NXPH1: variants seen among roughly 807,000 people sequenced by gnomAD.
NXPH1 encodes the protein neurexophilin 1, also known as neurexophilin-1.
Under a neutral mutation model 23.7 loss-of-function variants are expected in NXPH1, and 5 were observed. That is an observed-to-expected ratio of 0.21 (90% confidence interval 0.11 to 0.44). The LOEUF (loss-of-function observed/expected upper bound fraction) is 0.44. Ranked by LOEUF, NXPH1 falls within the 20% of genes least tolerant of loss-of-function variation. NXPH1 has a pLI of 0.99. For missense variants in NXPH1, 324 were observed against 321.6 expected (o/e 1.01, Z -0.06); for synonymous variants, 144 against 122.2 (o/e 1.18, Z -1.18).
chr7:8,722,878 C>G (rs1037517544), intron 2 of NXPH1, among the ~76,000 whole-genome samples: 3 of 152,146 alleles, frequency 2.0e-5, no homozygotes, highest in African/African-American at 7.2e-5. Context: ...TTCAATGGCC[C>G]CTTCCAGCCT....
intron 2 of NXPH1, among the ~76,000 whole-genome samples, chr7:8,576,667 C>G (rs537733860): frequency 1.3e-4 from 20 of 151,620 alleles, no homozygotes; most frequent in Non-Finnish European, 2.5e-4. Flanking sequence ...CTTTGTGGAA[C>G]AGACAGTAGA....
intron 2 of NXPH1, among the ~76,000 whole-genome samples, chr7:8,591,525 T>C (rs1819093422): frequency 6.6e-6 from 1 of 152,050 alleles, no homozygotes; most frequent in Admixed American, 6.6e-5. Flanking sequence ...AAGATTCTTA[T>C]CTCCTCCAAG....
intron 2 of NXPH1, among the ~76,000 whole-genome samples, chr7:8,666,398 T>C (rs564459729): frequency 7.2e-5 from 11 of 152,170 alleles, no homozygotes; most frequent in African/African-American, 2.4e-4. Flanking sequence ...TTGATCATAA[T>C]AAGAAATCCT....
At chr7:8,664,003 C>A (rs909794352) in intron 2 of NXPH1, among the ~76,000 whole-genome samples, 2 of 152,024 alleles carry the variant, frequency 1.3e-5, no homozygotes, top group African/African-American at 4.8e-5. Flanking sequence ...TCATTTTCTT[C>A]TCTTTGTCTC....
Position 8,435,780 on chromosome 7 carries a change from AG to A in NXPH1, c.54+15del. 6.2e-7 allele frequency: 1 copy of A among 1,613,634 alleles called. No homozygotes were observed. Among genetic ancestry groups the A allele is most frequent in the Non-Finnish European group, 8.5e-7 (1 of 1,179,718 alleles). On this transcript the variant is annotated intron_variant, in intron 2 of 2. Transcript: ENST00000405863. This position sits in a 1 kb window ranked among gnomAD's most constrained non-coding sequence, Gnocchi z 5.9. Reference sequence around the variant, plus strand: ...CACCGTCTACTTGGTAAGTCTTGGAAGGTTCGGGGCTTTCGCATTTTTACCC... The same window carrying A: ...CACCGTCTACTTGGTAAGTCTTGGAAGTTCGGGGCTTTCGCATTTTTACCC...
At chr7:8,541,553 G>C (rs1818117091) in intron 2 of NXPH1, among the ~76,000 whole-genome samples, 1 of 151,518 alleles carries the variant, frequency 6.6e-6, no homozygotes, top group South Asian at 2.1e-4. Context: ...CAAAACCAGT[G>C]ATAAATATAA....
At chr7:8,652,654 G>C (rs1361167396) in intron 2 of NXPH1, among the ~76,000 whole-genome samples, 1 of 152,108 alleles carries the variant, frequency 6.6e-6, no homozygotes, top group African/African-American at 2.4e-5. Context: ...CTGCTCATAT[G>C]GAGCTTATTT....
At chr7:8,540,965 T>G (rs544092041) in intron 2 of NXPH1, among the ~76,000 whole-genome samples, 1 of 151,712 alleles carries the variant, frequency 6.6e-6, no homozygotes, top group Non-Finnish European at 1.5e-5. Context: ...GAACAAAGCT[T>G]AAGTATATTT....
At chr7:8,677,518 G>C (rs1349428386) in intron 2 of NXPH1, among the ~76,000 whole-genome samples, 1 of 152,150 alleles carries the variant, frequency 6.6e-6, no homozygotes, top group Non-Finnish European at 1.5e-5. Context: ...CCACAGACAT[G>C]AGTTTCCCCA....
chr7:8,478,529 C>G (rs985672063), intron 2 of NXPH1, among the ~76,000 whole-genome samples: 1 of 151,756 alleles, frequency 6.6e-6, no homozygotes, highest in Non-Finnish European at 1.5e-5. Flanking sequence ...AAAGAAAGAT[C>G]CAACATAAGT....
intron 2 of NXPH1, among the ~76,000 whole-genome samples, chr7:8,680,854 A>C (rs1364334128): frequency 6.6e-6 from 1 of 152,250 alleles, no homozygotes; most frequent in African/African-American, 2.4e-5. Context: ...GCTCCTGCAT[A>C]AGCCATGAGG....
intron 2 of NXPH1, among the ~76,000 whole-genome samples, chr7:8,509,313 G>T (rs562402723): frequency 6.6e-6 from 1 of 152,058 alleles, no homozygotes; most frequent in Admixed American, 6.6e-5. Context: ...AATTTAAGTA[G>T]CTTATTTCCA....
intron 2 of NXPH1, among the ~76,000 whole-genome samples, chr7:8,475,762 TTAAAA>T (rs756562542): frequency 6.6e-6 from 1 of 152,296 alleles, no homozygotes; most frequent in South Asian, 2.1e-4. Context: ...TTTGCTCCTG[TTAAAA>T]TAAGAAGGAT....
chr7:8,451,199 A>G (rs551320583), intron 2 of NXPH1, among the ~76,000 whole-genome samples: 1 of 151,598 alleles, frequency 6.6e-6, no homozygotes, highest in Non-Finnish European at 1.5e-5. Flanking sequence ...GAATCCTGAT[A>G]ACAGAGTGCA....
intron 2 of NXPH1, among the ~76,000 whole-genome samples, chr7:8,620,581 C>T (rs932416701): frequency 1.3e-5 from 2 of 152,146 alleles, no homozygotes; most frequent in Non-Finnish European, 2.9e-5. Context: ...AGCCTGACTC[C>T]TCATGTAGCT....
intron 2 of NXPH1, among the ~76,000 whole-genome samples, chr7:8,451,231 A>C (rs1816501980): frequency 6.6e-6 from 1 of 152,024 alleles, no homozygotes; most frequent in Non-Finnish European, 1.5e-5. Flanking sequence ...TGGGAAGTTA[A>C]GTGACTGTTC....
chr7:8,534,125 T>A (rs1817991334), intron 2 of NXPH1, among the ~76,000 whole-genome samples: 1 of 152,120 alleles, frequency 6.6e-6, no homozygotes, highest in South Asian at 2.1e-4. Context: ...ATTCTATAGA[T>A]CAAGCTATCA....
At chr7:8,733,175 A>G (rs1383886334) in intron 2 of NXPH1, among the ~76,000 whole-genome samples, 4 of 152,168 alleles carry the variant, frequency 2.6e-5, no homozygotes, top group African/African-American at 4.8e-5. Context: ...GATGGTTTCC[A>G]GCTTCATCCA....
intron 2 of NXPH1, among the ~76,000 whole-genome samples, chr7:8,610,739 A>AT (rs768466206): frequency 3.3e-5 from 5 of 151,780 alleles, no homozygotes; most frequent in Admixed American, 6.6e-5. Flanking sequence ...TAATTGTGTA[A>AT]TTTTTTTTCA....
Sources: allele counts gnomAD v4.1 joint callset (sites outside exome capture counted in the v4.1 genomes callset), GRCh38; gene constraint gnomAD v4.1.1; non-coding constraint Gnocchi (gnomAD v3.1); transcripts MANE v1.5; gene names NCBI Gene and HGNC (gene_info 2026-07-23, HGNC 2026-07-21).